Variants in TBC1D32 observed in about 807,000 individuals in gnomAD.
TBC1D32 encodes protein broad-minded.
In TBC1D32, 151 loss-of-function variants were observed where a neutral mutation model predicts 170.3. The observed-to-expected ratio is 0.89, with a 90% CI of 0.78 to 1.01. TBC1D32 has a LOEUF of 1.01. TBC1D32 is among the 50% of genes least tolerant of loss of function. TBC1D32 has a pLI of 0.00. For missense variants in TBC1D32, 1,464 were observed against 1,457.1 expected (o/e 1.00, Z -0.08); for synonymous variants, 498 against 488.0 (o/e 1.02, Z -0.27).
intron 15 of TBC1D32, among the ~76,000 whole-genome samples, chr6:121,276,767 C>T (rs758536478): frequency 1.1e-4 from 17 of 152,158 alleles, no homozygotes; most frequent in Non-Finnish European, 2.2e-4. Flanking sequence ...GTATTAGTTT[C>T]AGACAAAGCA....
At chr6:121,283,724 A>G in intron 13 of TBC1D32, 94 bp downstream of exon 13, 1 of 877,812 alleles carries the variant, frequency 1.1e-6, no homozygotes. Context: ...CTACTTACCA[A>G]AGTAGGTCAG....
intron 24 of TBC1D32, among the ~76,000 whole-genome samples, chr6:121,138,906 G>A (rs1668065195): frequency 6.6e-6 from 1 of 151,352 alleles, no homozygotes; most frequent in South Asian, 2.1e-4. Context: ...GTGCAGTAGA[G>A]CAATCTCGGC....
intron 21 of TBC1D32, among the ~76,000 whole-genome samples, chr6:121,207,489 G>A (rs992654558): frequency 6.6e-6 from 1 of 152,082 alleles, no homozygotes; most frequent in African/African-American, 2.4e-5. Flanking sequence ...AAGAACAAAT[G>A]TTATGGCAAA....
chr6:121,095,140 T>C (rs749245803), intron 30 of TBC1D32, among the ~76,000 whole-genome samples: 1 of 152,144 alleles, frequency 6.6e-6, no homozygotes, highest in South Asian at 2.1e-4. Context: ...ATAAATAATA[T>C]AGAACTAATT....
chr6:121,266,540 G>A (rs1436582413), intron 15 of TBC1D32, among the ~76,000 whole-genome samples: 1 of 152,162 alleles, frequency 6.6e-6, no homozygotes, highest in Non-Finnish European at 1.5e-5. Context: ...AATATCATTT[G>A]AGTCAGCAAT....
At chr6:121,324,848 GAC>G (rs1810243268) in intron 1 of TBC1D32, among the ~76,000 whole-genome samples, 1 of 152,142 alleles carries the variant, frequency 6.6e-6, no homozygotes. Flanking sequence ...TGTAATATCT[GAC>G]AACTGCTTCT....
At chr6:121,332,944 T>G (rs2079478794) in intron 1 of TBC1D32, among the ~76,000 whole-genome samples, 5 of 152,164 alleles carry the variant, frequency 3.3e-5, no homozygotes, top group Admixed American at 3.3e-4. Flanking sequence ...AGAAACTCCA[T>G]TATTAATGAA....
At chr6:121,169,636 G>A (rs1007187310) in intron 22 of TBC1D32, among the ~76,000 whole-genome samples, 2 of 152,118 alleles carry the variant, frequency 1.3e-5, no homozygotes, top group African/African-American at 4.8e-5. Flanking sequence ...TAAAGCTGGT[G>A]CCTTAAATTC....
chr6:121,088,045 G>T (rs1776433551), intron 31 of TBC1D32, among the ~76,000 whole-genome samples: 1 of 151,378 alleles, frequency 6.6e-6, no homozygotes, highest in African/African-American at 2.4e-5. Flanking sequence ...CGACCTCCTG[G>T]GCTCAATTGA....
intron 12 of TBC1D32, among the ~76,000 whole-genome samples, chr6:121,290,813 T>C (rs566468365): frequency 3.4e-4 from 52 of 152,158 alleles, no homozygotes; most frequent in African/African-American, 1.0e-3. Flanking sequence ...TGGAATACTA[T>C]GCAGCCATAA....
chr6:121,292,239 T>G (rs1804979982), intron 11 of TBC1D32, 46 bp from the exon 12 acceptor site: 1 of 1,529,196 alleles, frequency 6.5e-7, no homozygotes, highest in Non-Finnish European at 8.9e-7. Flanking sequence ...ATCATTATAT[T>G]TTACAGTACC....
chr6:121,150,402 T>G (rs1476665828), intron 24 of TBC1D32, among the ~76,000 whole-genome samples: 2 of 152,244 alleles, frequency 1.3e-5, no homozygotes, highest in Admixed American at 6.5e-5. Flanking sequence ...TGGGTTCAGT[T>G]TGCCAGTATT....
chr6:121,242,730 C>T (rs1797140549), intron 17 of TBC1D32, among the ~76,000 whole-genome samples: 1 of 151,996 alleles, frequency 6.6e-6, no homozygotes, highest in African/African-American at 2.4e-5. Context: ...AAGTATCTGT[C>T]TTCTGCTTTC....
At chr6:121,132,296 G>A (rs1781520026) in intron 24 of TBC1D32, among the ~76,000 whole-genome samples, 1 of 151,966 alleles carries the variant, frequency 6.6e-6, no homozygotes, top group African/African-American at 2.4e-5. Context: ...AACAGCAAGT[G>A]CAAGATCACG....
intron 1 of TBC1D32, among the ~76,000 whole-genome samples, chr6:121,323,503 T>C (rs1339867302): frequency 6.6e-6 from 1 of 152,222 alleles, no homozygotes; most frequent in Non-Finnish European, 1.5e-5. Context: ...GGCTGCCTAT[T>C]ATCTTTCATG....
chr6:121,271,474 C>T (rs1349319962), intron 15 of TBC1D32, among the ~76,000 whole-genome samples: 1 of 152,106 alleles, frequency 6.6e-6, no homozygotes, highest in African/African-American at 2.4e-5. Flanking sequence ...CAATAACAGA[C>T]AAACAGAGAG....
chr6:121,160,820 T>C, intron 23 of TBC1D32, 128 bp downstream of exon 23: 1 of 710,002 alleles, frequency 1.4e-6, no homozygotes, highest in Non-Finnish European at 2.5e-6. Flanking sequence ...CTAAATATTC[T>C]CAAGTAATAA....
At chr6:121,239,236 G>T in intron 19 of TBC1D32, 48 bp from the exon 20 acceptor site, 1 of 1,138,120 alleles carries the variant, frequency 8.8e-7, no homozygotes, top group Non-Finnish European at 1.3e-6. Flanking sequence ...ATATTTCTTT[G>T]GATTATGAAG....
At chr6:121,235,557 G>A (rs1036841526) in intron 20 of TBC1D32, among the ~76,000 whole-genome samples, 1 of 152,152 alleles carries the variant, frequency 6.6e-6, no homozygotes, top group African/African-American at 2.4e-5. Context: ...GCCTCACCAT[G>A]CTCTCATGCA....
Sources: gnomAD v4.1 joint callset for allele counts (sites outside exome capture counted in the v4.1 genomes callset) on GRCh38, gnomAD v4.1.1 for gene constraint, MANE v1.5 for transcripts, NCBI Gene and HGNC (gene_info 2026-07-23, HGNC 2026-07-21) for gene names.